The following EZR variants were observed in gnomAD, a reference collection of about 807,000 sequenced individuals.
EZR encodes the protein cytovillin 2.
EZR carries 40 observed loss-of-function variants against 74.8 expected under a neutral mutation model. The ratio of observed to expected loss-of-function variants is 0.53; its 90% CI spans 0.42 to 0.70. The LOEUF (loss-of-function observed/expected upper bound fraction) is 0.70. EZR is among the 30% of genes least tolerant of loss of function. The pLI, the probability that EZR is intolerant of heterozygous loss-of-function variation, is 0.00. For synonymous variants in EZR, 341 were observed against 283.3 expected, an observed-to-expected ratio of 1.20 and a Z score of -2.05; for missense variants, 678 against 755.8, an observed-to-expected ratio of 0.90 and a Z score of 1.21.
At chr6:158,778,754 AC>A (rs1791349306) in intron 7 of EZR, among the ~76,000 whole-genome samples, 1 of 152,224 alleles carries the variant, frequency 6.6e-6, no homozygotes, top group Non-Finnish European at 1.5e-5. Context: ...CAGGGCTCAC[AC>A]TTCAAGGTGC....
chr6:158,767,818 G>A (rs924606517), intron 12 of EZR, among the ~76,000 whole-genome samples: 20 of 152,016 alleles, frequency 1.3e-4, no homozygotes, highest in African/African-American at 4.4e-4. Context: ...TGAGTAACGG[G>A]CTCTGTTCCT....
intron 2 of EZR, among the ~76,000 whole-genome samples, chr6:158,791,706 ATTT>A (rs57581855): frequency 1.0e-5 from 1 of 96,254 alleles, no homozygotes; most frequent in East Asian, 2.6e-4. Context: ...TTCAGACTCC[ATTT>A]TTTTTTTTTT....
chr6:158,818,216 T>C, intron 1 of EZR, 50 bp from the exon 2 acceptor site: 2 of 1,058,360 alleles, frequency 1.9e-6, no homozygotes, highest in Non-Finnish European at 1.3e-6. Context: ...TGCCTCGTCC[T>C]CCTGCCGCGC....
intron 2 of EZR, among the ~76,000 whole-genome samples, chr6:158,795,344 C>T (rs1583576843): frequency 6.6e-6 from 1 of 151,960 alleles, no homozygotes; most frequent in Admixed American, 6.6e-5. Context: ...GGAGCCAAGG[C>T]AGGAGGATCT....
At chr6:158,786,387 C>A (rs1029556650) in intron 4 of EZR, among the ~76,000 whole-genome samples, 38 of 152,186 alleles carry the variant, frequency 2.5e-4, no homozygotes, top group African/African-American at 5.3e-4. Flanking sequence ...ACAACAACAA[C>A]AAAAAACAAA....
At chr6:158,771,118 C>T (rs1488374395) in intron 9 of EZR, 126 bp downstream of exon 9, 22 of 1,396,752 alleles carry the variant, frequency 1.6e-5, no homozygotes, top group East Asian at 2.3e-5. Context: ...AAGATCCCAG[C>T]GTGGTGACTG....
intron 7 of EZR, among the ~76,000 whole-genome samples, chr6:158,781,521 A>C (rs1406293323): frequency 1.3e-5 from 2 of 152,238 alleles, no homozygotes; most frequent in African/African-American, 2.4e-5. Context: ...AGCTGACATC[A>C]GCAAGTTCCT....
At chr6:158,771,013 A>G (rs1038537) in intron 9 of EZR, 119 bp from the exon 10 acceptor site, 1,044,975 of 1,479,116 alleles carry the variant, frequency 0.71, 382,516 homozygotes, top group Non-Finnish European at 0.76. Flanking sequence ...GGGCCACCCT[A>G]GCCTGCTGCC....
chr6:158,793,383 C>G (rs966493733), intron 2 of EZR, among the ~76,000 whole-genome samples: 9 of 151,948 alleles, frequency 5.9e-5, no homozygotes, highest in African/African-American at 2.2e-4. Context: ...TTAAGAACCC[C>G]TTCTTAGAAT....
intron 7 of EZR, among the ~76,000 whole-genome samples, chr6:158,777,826 A>C (rs1306256957): frequency 6.6e-6 from 1 of 152,182 alleles, no homozygotes; most frequent in Non-Finnish European, 1.5e-5. Flanking sequence ...ATGGCAGGAC[A>C]CTGGCCAGAC....
At chr6:158,783,823 T>C (rs924298391) in intron 6 of EZR, among the ~76,000 whole-genome samples, 157 bp from the exon 7 acceptor site, 5 of 152,024 alleles carry the variant, frequency 3.3e-5, no homozygotes, top group African/African-American at 1.2e-4. Flanking sequence ...AGCCGACCGG[T>C]GAGGAGGGGA....
chr6:158,770,529 C>T (rs371124502), intron 10 of EZR, among the ~76,000 whole-genome samples: 24 of 152,284 alleles, frequency 1.6e-4, no homozygotes, highest in South Asian at 6.2e-4. Flanking sequence ...GAGCACTTAC[C>T]GCAAAAGACT....
chr6:158,775,463 T>C (rs1791249737), intron 8 of EZR, among the ~76,000 whole-genome samples: 1 of 152,212 alleles, frequency 6.6e-6, no homozygotes, highest in South Asian at 2.1e-4. Context: ...TCTAAGTGGA[T>C]TTACCATTGC....
chr6:158,808,509 G>C (rs974759926), intron 2 of EZR, among the ~76,000 whole-genome samples: 1 of 152,200 alleles, frequency 6.6e-6, no homozygotes, highest in Non-Finnish European at 1.5e-5. Flanking sequence ...CTAAGTTAGA[G>C]GAAAAGAATG....
rs55934906 is a variant in EZR at position 158,767,222 on chromosome 6, G to C, written c.1596+39C>G. On this transcript the variant is annotated intron_variant, in intron 13 of 13. Transcript: ENST00000367075. ...CCCCAAGCCTGTCTGCTCCAAAAGC[G>C]AGGCAGGCTCCCTGGAGACAGAGCC... is the stretch of plus-strand genomic sequence containing the variant. 12,055 of 1,592,142 alleles carry C rather than the reference G, an allele frequency of 7.6e-3. 802 individuals carry two copies. In the African/African-American group the frequency reaches 0.14, roughly 19 times the overall value.
intron 10 of EZR, 93 bp from the exon 11 acceptor site, chr6:158,770,037 C>T (rs887541928): frequency 6.6e-7 from 1 of 1,525,568 alleles, no homozygotes; most frequent in South Asian, 1.2e-5. Context: ...CCACAGAGCC[C>T]TAGACCAAGT....
At chr6:158,789,783 T>G (rs1256680725) in intron 2 of EZR, among the ~76,000 whole-genome samples, 3 of 152,126 alleles carry the variant, frequency 2.0e-5, no homozygotes, top group Non-Finnish European at 2.9e-5. Flanking sequence ...GCCTAGCTCG[T>G]TTTGTTTTTT....
chr6:158,781,092 T>C (rs1401533469), intron 7 of EZR, among the ~76,000 whole-genome samples: 2 of 152,160 alleles, frequency 1.3e-5, no homozygotes, highest in South Asian at 2.1e-4. Context: ...ACCTGAACAA[T>C]GTTTCAGGCA....
rs3103004 is a variant in EZR, at chr6:158,784,657, G to T, written c.538C>A (p.Arg180Ser). 1.9e-6 allele frequency: 3 copies of T among 1,614,096 alleles called. No homozygotes were observed. Among genetic ancestry groups the T allele is most frequent in the South Asian group, 2.2e-5 (2 of 91,076 alleles). The change falls in exon 6 of 14, where the codon CGT becomes AGT. Residue 180 changes from arginine to serine, a missense_variant. Coordinates refer to ENST00000367075, the MANE Select transcript of EZR (RefSeq NM_001111077.2). ...CACAGCACTCACTTGAGCATCCCAC[G>T]GTGTTCCGCATGCCACACCTGGATC... ...DRIQVWHAEHRGMLKDNAMLE... is the reference protein window; with the variant it reads ...DRIQVWHAEHSGMLKDNAMLE...
Sources: allele counts gnomAD v4.1 joint callset (sites outside exome capture counted in the v4.1 genomes callset), GRCh38; gene constraint gnomAD v4.1.1; transcripts MANE v1.5; gene names NCBI Gene and HGNC (gene_info 2026-07-23, HGNC 2026-07-21).